Variants in CDHR2 observed in about 807,000 individuals in gnomAD.
CDHR2 encodes cadherin related family member 2, also known as cadherin-related family member 2.
Under a neutral mutation model 138.6 loss-of-function variants are expected in CDHR2, and 104 were observed. The observed-to-expected ratio is 0.75, with a 90% CI of 0.64 to 0.88. The LOEUF is 0.88. Ranked by LOEUF, CDHR2 falls within the 40% of genes least tolerant of loss-of-function variation. CDHR2 has a pLI of 0.00. For synonymous variants in CDHR2, 755 were observed against 742.8 expected, an observed-to-expected ratio of 1.02 and a Z score of -0.27; for missense variants, 1,624 against 1,727.6, an observed-to-expected ratio of 0.94 and a Z score of 1.06.
At chr5:176,583,570 T>C (rs909976646) in intron 17 of CDHR2, among the ~76,000 whole-genome samples, 2 of 152,220 alleles carry the variant, frequency 1.3e-5, no homozygotes, top group Non-Finnish European at 2.9e-5. Context: ...CTCCAGGCTG[T>C]GACAATAGTT....
intron 17 of CDHR2, among the ~76,000 whole-genome samples, chr5:176,583,645 G>T (rs1758577018): frequency 6.6e-6 from 1 of 152,016 alleles, no homozygotes; most frequent in South Asian, 2.1e-4. Flanking sequence ...AAAACAGCTG[G>T]TGTCTGAGGC....
At position 176,585,880 on chromosome 5, in the gene CDHR2, G is replaced by A. The variant is rs539378899; in HGVS notation, c.2735-74G>A. 3.7e-5 allele frequency: 43 copies of A among 1,165,142 alleles called. No individual in the cohort carries two copies. The East Asian group carries it at 9.3e-4, about 25-fold the overall frequency. The allele number at this position is 1,165,142 out of a possible 1,614,324, so 72.2% of individuals were successfully genotyped here. On this transcript the variant is annotated intron_variant, in intron 19 of 31. Transcript: ENST00000261944. ...CGGGGCATGGGGTTGAGGCTGTGGG[G>A]CACAGGGTTGAGGCCCAGGCTCTTT...
chr5:176,589,173 G>C lies in CDHR2; in HGVS notation c.2999G>C (p.Gly1000Ala). 6.2e-7 allele frequency: 1 copy of C among 1,614,118 alleles called. No individual in the cohort carries two copies. The highest frequency in any genetic ancestry group is 8.5e-7 in the Non-Finnish European group (1 of 1,179,982). Residue 1000 changes from glycine to alanine, a missense_variant, in exon 22 of 32, where the codon GGG (glycine) becomes GCG (alanine). By Grantham distance (60) the Gly-to-Ala change is moderately conservative. Coordinates refer to ENST00000261944, the MANE Select transcript of CDHR2 (RefSeq NM_017675.6). ...TCCTCCGAGGCCGACGTGTTCGCTGGGAGCATTCAGTAACTGCGGGCGGCC... is the reference window on the plus strand; with the variant it reads ...TCCTCCGAGGCCGACGTGTTCGCTGCGAGCATTCAGTAACTGCGGGCGGCC... ...FTSSEADVFA[G>A]SIQPVTSLDS...
At chr5:176,542,787 G>C (rs1207652667) in intron 1 of CDHR2, 1 of 152,342 alleles carries the variant, frequency 6.6e-6, no homozygotes, top group African/African-American at 2.4e-5. Flanking sequence ...CGGCGCTGAA[G>C]TGCAGCGGTC....
chr5:176,575,671 C>T (rs1027968095), intron 10 of CDHR2, 53 bp from the exon 11 acceptor site: 32 of 1,590,520 alleles, frequency 2.0e-5, no homozygotes, highest in East Asian at 6.8e-5. Context: ...CCTGGGGCTC[C>T]GTCAGAGCCA....
rs776303378 is a variant in CDHR2, at chr5:176,587,372, C to T, written c.2856+530C>T. The stretch of plus-strand genomic sequence containing the variant: ...CTGAGGCAGGAGAGTCACTTGAACT[C>T]GAGAGGCGGAGGTTGCGGTGAGTCG... On this transcript the variant is annotated intron_variant, in intron 21 of 31. Coordinates refer to ENST00000261944, the MANE Select transcript of CDHR2 (RefSeq NM_017675.6). 2.8e-4 allele frequency among the ~76,000 whole-genome samples: 43 copies of T among 151,916 alleles called. 1 individual carries two copies. Among genetic ancestry groups the T allele is most frequent in the Non-Finnish European group, 5.4e-4 (37 of 68,006 alleles).
chr5:176,554,373 G>T (rs912188627), intron 1 of CDHR2, among the ~76,000 whole-genome samples: 1 of 152,216 alleles, frequency 6.6e-6, no homozygotes, highest in East Asian at 1.9e-4. Context: ...ACAACCCCAC[G>T]GAAGGAAGAA....
chr5:176,578,675 C>T, intron 16 of CDHR2, 67 bp downstream of exon 16: 1 of 1,587,020 alleles, frequency 6.3e-7, no homozygotes, highest in Non-Finnish European at 8.5e-7. Context: ...TGTGGGCATG[C>T]TGGCCCTGGG....
chr5:176,595,809 A>T lies in CDHR2; in HGVS notation c.*137A>T. On this transcript the variant is annotated 3_prime_UTR_variant, in exon 32 of 32. Transcript: ENST00000261944. ...AATCACGGCAGACAGGGGTTGGGGA[A>T]ATATTTTATTACCAATGTATACTGT... is the stretch of plus-strand genomic sequence containing the variant. 1.2e-6 allele frequency: 1 copy of T among 866,096 alleles called. No individual in the cohort carries two copies. The highest frequency in any genetic ancestry group is 1.7e-6 in the Non-Finnish European group (1 of 602,770). The allele number at this position is 866,096 out of a possible 1,614,324, so 53.7% of individuals were successfully genotyped here.
chr5:176,588,381 A>C (rs1218147815), intron 21 of CDHR2, among the ~76,000 whole-genome samples: 1 of 146,168 alleles, frequency 6.8e-6, no homozygotes, highest in African/African-American at 2.6e-5. Context: ...GTGTGTGTGA[A>C]TTGAGTGTGT....
rs1309325638 is a variant in CDHR2, at chr5:176,576,723, T to C, written c.1194+538T>C. On this transcript the variant is annotated intron_variant, in intron 12 of 31. Transcript: ENST00000261944. This position sits in a 1 kb window ranked among gnomAD's most constrained non-coding sequence, Gnocchi z 4.5. ...TCCCAAGTAGCTGTGATTACAGGTG[T>C]GCACCACCTCGCCCAGCTAATTTTT... 1.3e-5 allele frequency among the ~76,000 whole-genome samples: 2 copies of C among 152,082 alleles called. No individual in the cohort carries two copies. Among genetic ancestry groups the C allele is most frequent in the African/African-American group, 2.4e-5 (1 of 41,404 alleles).
intron 1 of CDHR2, among the ~76,000 whole-genome samples, chr5:176,550,993 G>T (rs1345177506): frequency 6.6e-6 from 1 of 152,174 alleles, no homozygotes; most frequent in Non-Finnish European, 1.5e-5. Context: ...TCTTCTCTGT[G>T]TCCTTTTTGG....
chr5:176,547,444 CTTG>C (rs1179660178), upstream of CDHR2: 4 of 152,046 alleles, frequency 2.6e-5, no homozygotes, highest in South Asian at 2.1e-4. Context: ...GAGAGAAGCT[CTTG>C]TTGTCTAGGC....
At chr5:176,568,148 G>A (rs1758126301) in intron 3 of CDHR2, among the ~76,000 whole-genome samples, 1 of 152,228 alleles carries the variant, frequency 6.6e-6, no homozygotes, top group African/African-American at 2.4e-5. Flanking sequence ...TCAGGGATAG[G>A]GTGGGTTTGA....
intron 16 of CDHR2, among the ~76,000 whole-genome samples, chr5:176,580,990 C>T (rs1002920588): frequency 1.2e-4 from 18 of 147,664 alleles, no homozygotes; most frequent in Non-Finnish European, 2.4e-4. Context: ...TCTTTGTCTA[C>T]AATTTCCTGC....
intron 1 of CDHR2, among the ~76,000 whole-genome samples, chr5:176,559,837 T>C (rs1042583895): frequency 1.3e-5 from 2 of 152,092 alleles, no homozygotes; most frequent in Non-Finnish European, 2.9e-5. Context: ...TCTGGAGACA[T>C]TTTTGGCTGT....
chr5:176,562,977 A>G (rs570705144), intron 1 of CDHR2, among the ~76,000 whole-genome samples: 3 of 152,304 alleles, frequency 2.0e-5, no homozygotes, highest in Admixed American at 1.3e-4. Flanking sequence ...CAATCTCTGA[A>G]TGAGCTGGAG....
At chr5:176,589,678 G>C (rs1051073466) in intron 24 of CDHR2, 62 bp downstream of exon 24, 1 of 1,404,100 alleles carries the variant, frequency 7.1e-7, no homozygotes, top group Admixed American at 1.7e-5. Flanking sequence ...CCTGGTCCCC[G>C]ACAAAACCTG....
chr5:176,565,217 C>G, intron 1 of CDHR2, 121 bp from the exon 2 acceptor site: 1 of 720,466 alleles, frequency 1.4e-6, no homozygotes, highest in South Asian at 1.6e-5. Context: ...TGATAGAGGC[C>G]CTGGGGGAGA....
Sources: allele counts gnomAD v4.1 joint callset (sites outside exome capture counted in the v4.1 genomes callset), GRCh38; gene constraint gnomAD v4.1.1; non-coding constraint Gnocchi (gnomAD v3.1); transcripts MANE v1.5; gene names NCBI Gene and HGNC (gene_info 2026-07-23, HGNC 2026-07-21).